The following ADAM12 variants were observed in gnomAD, a reference collection of about 807,000 sequenced individuals.
ADAM12 encodes the protein ADAM metallopeptidase domain 12.
In ADAM12, 70 loss-of-function variants were observed where a neutral mutation model predicts 106.4. That is an observed-to-expected ratio of 0.66 (90% CI 0.54 to 0.80). The LOEUF is 0.80. Ranked by LOEUF, ADAM12 falls within the 30% of genes least tolerant of loss-of-function variation. The probability of loss-of-function intolerance (pLI) is 0.00; values close to 1 mark genes in which losing one functional copy is unlikely to be tolerated. For synonymous variants in ADAM12, 420 were observed against 433.5 expected (o/e 0.97, Z 0.39); for missense variants, 1,010 against 1,171.9 (o/e 0.86, Z 2.02).
At chr10:126,092,233 C>A (rs1040799619) in intron 11 of ADAM12, among the ~76,000 whole-genome samples, 1 of 152,168 alleles carries the variant, frequency 6.6e-6, no homozygotes, top group Non-Finnish European at 1.5e-5. Flanking sequence ...ATCTGATGAT[C>A]AGGGAAATTA....
intron 22 of ADAM12, among the ~76,000 whole-genome samples, chr10:126,019,190 C>A (rs1953713746): frequency 1.3e-5 from 2 of 152,162 alleles, no homozygotes; most frequent in Non-Finnish European, 2.9e-5. Flanking sequence ...GCTGGCTCCC[C>A]CTTCCGCCAT....
At chr10:126,124,155 T>A (rs1408568538) in intron 5 of ADAM12, among the ~76,000 whole-genome samples, 1 of 152,192 alleles carries the variant, frequency 6.6e-6, no homozygotes, top group Non-Finnish European at 1.5e-5. Flanking sequence ...AATAAGATGA[T>A]GATTAGAAAA....
chr10:126,384,902 C>T (rs1856609875), intron 1 of ADAM12, among the ~76,000 whole-genome samples: 1 of 152,134 alleles, frequency 6.6e-6, no homozygotes, highest in South Asian at 2.1e-4. Context: ...AGGGCTCAGT[C>T]CCACAAGACT....
At chr10:126,088,070 T>A (rs1955391646) in intron 11 of ADAM12, among the ~76,000 whole-genome samples, 1 of 152,202 alleles carries the variant, frequency 6.6e-6, no homozygotes, top group South Asian at 2.1e-4. Flanking sequence ...TTAAAAGATG[T>A]GAAATGATGT....
At chr10:126,097,306 T>G (rs1161877296) in intron 10 of ADAM12, among the ~76,000 whole-genome samples, 1 of 152,004 alleles carries the variant, frequency 6.6e-6, no homozygotes, top group East Asian at 1.9e-4. Flanking sequence ...ATGCAGGGCC[T>G]CCAGGTCCAC....
chr10:126,085,885 C>T (rs1955329808), intron 11 of ADAM12, among the ~76,000 whole-genome samples: 1 of 152,244 alleles, frequency 6.6e-6, no homozygotes, highest in Admixed American at 6.5e-5. Context: ...AATTCCTGAC[C>T]TTGTGGAGCT....
At chr10:126,096,210 C>G (rs1277468055) in intron 10 of ADAM12, among the ~76,000 whole-genome samples, 1 of 152,210 alleles carries the variant, frequency 6.6e-6, no homozygotes, top group African/African-American at 2.4e-5. Context: ...TTACCATGCT[C>G]TGGCACAAAA....
At chr10:126,240,089 T>G (rs1958493535) in intron 3 of ADAM12, among the ~76,000 whole-genome samples, 1 of 152,150 alleles carries the variant, frequency 6.6e-6, no homozygotes, top group Non-Finnish European at 1.5e-5. Context: ...CACTGCCCAT[T>G]GGTGCACGCA....
At chr10:126,134,311 C>T (rs188734456) in intron 5 of ADAM12, among the ~76,000 whole-genome samples, 46 of 152,308 alleles carry the variant, frequency 3.0e-4, no homozygotes, top group Non-Finnish European at 1.0e-4. Context: ...CTTGGAGAGA[C>T]AGACAGGGTT....
chr10:126,074,071 T>G lies in ADAM12; in HGVS notation c.1146-2417A>C, dbSNP rs577000548. ...TGAGAGTTTTCCTAGGACATATATG[T>G]CTCCAGGCCTGATCTAGGAGATGAA... On this transcript the variant is annotated intron_variant, in intron 11 of 22. Coordinates refer to ENST00000448723, the MANE Select transcript of ADAM12 (RefSeq NM_001288973.2). Among the ~76,000 whole-genome samples, 3 of 152,264 alleles carry G rather than the reference T, an allele frequency of 2.0e-5. No individual in the cohort carries two copies. In the South Asian group the frequency reaches 6.2e-4, roughly 32 times the overall value.
chr10:126,252,177 G>A (rs1056967143), intron 3 of ADAM12, among the ~76,000 whole-genome samples: 4 of 149,272 alleles, frequency 2.7e-5, no homozygotes, highest in Admixed American at 1.3e-4. Context: ...GATGATGGAT[G>A]GACTCAATGG....
intron 3 of ADAM12, among the ~76,000 whole-genome samples, chr10:126,191,941 G>A (rs1957509617): frequency 1.3e-5 from 2 of 152,136 alleles, no homozygotes; most frequent in African/African-American, 4.8e-5. Context: ...GGGGAAGCAG[G>A]CACGTCTTAC....
chr10:126,211,151 G>A (rs1488410612), intron 3 of ADAM12, among the ~76,000 whole-genome samples: 1 of 152,112 alleles, frequency 6.6e-6, no homozygotes, highest in Non-Finnish European at 1.5e-5. Flanking sequence ...TGTGCACAGG[G>A]GTGGCTGGAG....
chr10:126,371,846 G>T (rs914280024), intron 1 of ADAM12, among the ~76,000 whole-genome samples: 1 of 152,174 alleles, frequency 6.6e-6, no homozygotes, highest in Non-Finnish European at 1.5e-5. Flanking sequence ...GAAGCTGAAG[G>T]CTAGGAAAAT....
chr10:126,133,727 CTCA>C (rs2133672812), intron 5 of ADAM12, among the ~76,000 whole-genome samples: 3 of 152,304 alleles, frequency 2.0e-5, no homozygotes, highest in African/African-American at 7.2e-5. Flanking sequence ...CCCTTCTGAC[CTCA>C]TTTCTCTCTA....
At chr10:126,099,709 C>T (rs1334254343) in intron 9 of ADAM12, among the ~76,000 whole-genome samples, 1 of 152,042 alleles carries the variant, frequency 6.6e-6, no homozygotes, top group Non-Finnish European at 1.5e-5. Flanking sequence ...TGAAAATGGC[C>T]GAAGTAAATT....
At position 126,043,172 on chromosome 10, in the gene ADAM12, G is replaced by T; in HGVS notation, c.1996-24C>A. The T allele has an allele frequency of 6.2e-7, 1 of 1,607,192 alleles. No individual in the cohort carries two copies. The highest frequency in any genetic ancestry group is 8.5e-7 in the Non-Finnish European group (1 of 1,174,864). ...ACCTTTCAGGGCAGAGGGGAGGGAC[G>T]TGGGGTTAGGGCATATGCTCTGTGC... On this transcript the variant is annotated intron_variant, in intron 17 of 22. Transcript: ENST00000448723. This position sits in a 1 kb window ranked among gnomAD's most constrained non-coding sequence, Gnocchi z 4.1.
At chr10:126,145,599 A>T (rs1956612308) in intron 4 of ADAM12, 1 of 152,408 alleles carries the variant, frequency 6.6e-6, no homozygotes, top group African/African-American at 2.4e-5. Flanking sequence ...CTCAGATTCT[A>T]GAGTCAGACT....
chr10:126,024,499 T>G (rs1183866402), intron 21 of ADAM12, among the ~76,000 whole-genome samples: 1 of 152,136 alleles, frequency 6.6e-6, no homozygotes, highest in Non-Finnish European at 1.5e-5. Context: ...CACTACAAAT[T>G]GGAACCAGTG....
Sources: allele counts gnomAD v4.1 joint callset (sites outside exome capture counted in the v4.1 genomes callset), GRCh38; gene constraint gnomAD v4.1.1; non-coding constraint Gnocchi (gnomAD v3.1); transcripts MANE v1.5; gene names NCBI Gene and HGNC (gene_info 2026-07-23, HGNC 2026-07-21).